Variants in SVOP observed in about 807,000 individuals in gnomAD.
The protein encoded by SVOP is synaptic vesicle 2-related protein.
SVOP carries 17 observed loss-of-function variants against 69.1 expected under a neutral mutation model. That is an observed-to-expected ratio of 0.25 (90% CI 0.17 to 0.37). The LOEUF (loss-of-function observed/expected upper bound fraction) is 0.37. Ranked by LOEUF, SVOP falls within the 10% of genes least tolerant of loss-of-function variation. SVOP has a pLI of 1.00. For missense variants in SVOP, 435 were observed against 597.5 expected (o/e 0.73, Z 2.84); for synonymous variants, 238 against 238.6 (o/e 1.00, Z 0.02).
At position 108,941,914 on chromosome 12, in the gene SVOP, C is replaced by G. The variant is rs375473095; in HGVS notation, c.643-1005G>C. Among the ~76,000 whole-genome samples, 64 of 152,276 alleles carry G rather than the reference C, an allele frequency of 4.2e-4. 1 individual carries two copies. Among genetic ancestry groups the G allele is most frequent in the African/African-American group, 1.4e-3 (60 of 41,560 alleles). On this transcript the variant is annotated intron_variant, in intron 7 of 15. Coordinates refer to ENST00000610966, the MANE Select transcript of SVOP (RefSeq NM_018711.5). ...TCCTGACCTCATGGGATCCACCCCC[C>G]TCGGCCTCCCAAAGTGCTGGGATTA...
At chr12:109,007,163 G>C (rs1036996267) in intron 1 of SVOP, among the ~76,000 whole-genome samples, 1 of 152,176 alleles carries the variant, frequency 6.6e-6, no homozygotes, top group African/African-American at 2.4e-5. Context: ...TGGGGAACTC[G>C]ATCAAAAACA....
intron 9 of SVOP, among the ~76,000 whole-genome samples, chr12:108,937,927 G>T (rs1163829493): frequency 6.6e-6 from 1 of 152,222 alleles, no homozygotes; most frequent in Admixed American, 6.5e-5. Context: ...GGCCGGGGCA[G>T]GTTGATCACT....
Position 108,960,601 on chromosome 12 carries a change from G to T in SVOP, c.578+322C>A, listed in dbSNP as rs183236947. Among the ~76,000 whole-genome samples the T allele has an allele frequency of 4.6e-3, 698 of 152,288 alleles. 4 individuals are homozygous for T. Among genetic ancestry groups the T allele is most frequent in the Non-Finnish European group, 5.2e-3 (351 of 68,022 alleles). Reference sequence around the variant, plus strand: ...TCAGTTTCCCCAACTGTAAAACGCAGATTGCAATAATACAATAACACACAC... The same window carrying T: ...TCAGTTTCCCCAACTGTAAAACGCATATTGCAATAATACAATAACACACAC... On this transcript the variant is annotated intron_variant, in intron 6 of 15. Coordinates refer to ENST00000610966, the MANE Select transcript of SVOP (RefSeq NM_018711.5).
intron 2 of SVOP, among the ~76,000 whole-genome samples, chr12:108,982,962 A>T (rs1330901848): frequency 6.6e-6 from 1 of 151,046 alleles, no homozygotes; most frequent in South Asian, 2.1e-4. Context: ...GATCACCATC[A>T]TCATCATCAT....
Position 108,945,088 on chromosome 12 carries a change from C to T in SVOP, c.642+15G>A, listed in dbSNP as rs1394047756. 1.4e-5 allele frequency: 21 copies of T among 1,536,756 alleles called. 1 individual carries two copies. The highest frequency in any genetic ancestry group is 9.5e-5 in the South Asian group (8 of 84,048). On this transcript the variant is annotated intron_variant, in intron 7 of 15. Coordinates refer to ENST00000610966, the MANE Select transcript of SVOP (RefSeq NM_018711.5). ...ATCCACATGCTCTAGAGACCCAGGCCGCTCTCCTCCTTACCTCAATCAGCA... is the reference window on the plus strand; with the variant it reads ...ATCCACATGCTCTAGAGACCCAGGCTGCTCTCCTCCTTACCTCAATCAGCA...
At chr12:109,020,753 T>TGGGGGGGG in intron 1 of SVOP, 81 bp downstream of exon 1, 1 of 317,718 alleles carries the variant, frequency 3.1e-6, no homozygotes, top group East Asian at 9.2e-5. Flanking sequence ...TGCAGAGATG[T>TGGGGGGGG]ACCCCCCCCC....
At chr12:108,936,213 T>G (rs906317369) in intron 10 of SVOP, among the ~76,000 whole-genome samples, 1 of 151,976 alleles carries the variant, frequency 6.6e-6, no homozygotes, top group Non-Finnish European at 1.5e-5. Flanking sequence ...GCCTGGCTAA[T>G]TTTTGTATTT....
At chr12:108,948,861 A>G (rs1000985592) in intron 6 of SVOP, among the ~76,000 whole-genome samples, 1 of 152,200 alleles carries the variant, frequency 6.6e-6, no homozygotes, top group Non-Finnish European at 1.5e-5. Context: ...AAAGATTGCA[A>G]CAATTATCAT....
At position 108,961,257 on chromosome 12, in the gene SVOP, T is replaced by C. The variant is rs546372715; in HGVS notation, c.454-210A>G. Among the ~76,000 whole-genome samples the C allele has an allele frequency of 1.7e-4, 26 of 152,264 alleles. No homozygotes were observed. In the South Asian group the frequency reaches 5.2e-3, roughly 30 times the overall value. On this transcript the variant is annotated intron_variant, in intron 5 of 15. Coordinates refer to ENST00000610966, the MANE Select transcript of SVOP (RefSeq NM_018711.5). ...TTCTTGGTTGTCCCAATGATTGGCA[T>C]TGAATGCCAATCTGGGCCAGATATG...
At chr12:108,997,220 G>C (rs1204358723) in intron 1 of SVOP, among the ~76,000 whole-genome samples, 1 of 150,350 alleles carries the variant, frequency 6.7e-6, no homozygotes, top group Non-Finnish European at 1.5e-5. Context: ...GGAAAATCGG[G>C]TCACTCCCAC....
intron 1 of SVOP, among the ~76,000 whole-genome samples, chr12:109,019,360 C>T (rs866776251): frequency 6.6e-6 from 1 of 151,982 alleles, no homozygotes; most frequent in African/African-American, 2.4e-5. Flanking sequence ...ATATACATGA[C>T]CCTTTTGCAA....
Position 108,912,759 on chromosome 12 carries a change from G to T in SVOP, c.1441-18C>A. 1.2e-6 allele frequency: 2 copies of T among 1,609,470 alleles called. No individual in the cohort carries two copies. Among genetic ancestry groups the T allele is most frequent in the Middle Eastern group, 1.7e-4 (1 of 6,056 alleles). The stretch of plus-strand genomic sequence containing the variant: ...AGCATCACCTAGGGGAAGGAGACAC[G>T]GGTCGGTGAAAGCATCCCTTCTGAA... On this transcript the variant is annotated intron_variant, in intron 15 of 15. Coordinates refer to ENST00000610966, the MANE Select transcript of SVOP (RefSeq NM_018711.5).
intron 1 of SVOP, among the ~76,000 whole-genome samples, chr12:108,995,813 A>G (rs1372959311): frequency 6.6e-6 from 1 of 151,884 alleles, no homozygotes; most frequent in Non-Finnish European, 1.5e-5. Flanking sequence ...GGGCAGGACA[A>G]TCGCTTGAAT....
At chr12:108,913,280 C>T (rs1205843067) in intron 15 of SVOP, among the ~76,000 whole-genome samples, 10 of 152,004 alleles carry the variant, frequency 6.6e-5, no homozygotes, top group African/African-American at 2.4e-4. Context: ...AGGCTGGTCT[C>T]GAACTCCTGA....
At chr12:108,997,051 G>A (rs2040237394) in intron 1 of SVOP, among the ~76,000 whole-genome samples, 3 of 152,232 alleles carry the variant, frequency 2.0e-5, no homozygotes, top group Admixed American at 6.5e-5. Context: ...CTGAGGTACC[G>A]GGTTCATCTC....
chr12:108,969,470 G>T (rs1385210113), intron 5 of SVOP, among the ~76,000 whole-genome samples: 2 of 151,364 alleles, frequency 1.3e-5, no homozygotes, highest in Admixed American at 6.6e-5. Flanking sequence ...GTAGCTTACA[G>T]GCATGCGCCA....
At chr12:108,933,934 C>T (rs2039839501) in intron 11 of SVOP, among the ~76,000 whole-genome samples, 1 of 152,188 alleles carries the variant, frequency 6.6e-6, no homozygotes, top group Non-Finnish European at 1.5e-5. Context: ...AAAATTACCT[C>T]TGTTTTTCTT....
chr12:108,940,003 T>C (rs546157897), intron 8 of SVOP, among the ~76,000 whole-genome samples: 2 of 152,274 alleles, frequency 1.3e-5, no homozygotes, highest in South Asian at 4.1e-4. Context: ...TTCTGAACTA[T>C]TGTGTTAGTG....
chr12:108,995,218 C>T (rs145742227), intron 1 of SVOP, among the ~76,000 whole-genome samples: 1 of 151,698 alleles, frequency 6.6e-6, no homozygotes, highest in Non-Finnish European at 1.5e-5. Flanking sequence ...TCAAAATAGC[C>T]AAAAGGCAGA....
Sources: allele counts gnomAD v4.1 joint callset (sites outside exome capture counted in the v4.1 genomes callset), GRCh38; gene constraint gnomAD v4.1.1; transcripts MANE v1.5; gene names NCBI Gene and HGNC (gene_info 2026-07-23, HGNC 2026-07-21).